Variants in RBM6 observed in about 807,000 individuals in gnomAD.
The protein encoded by RBM6 is RNA-binding protein 6.
Under a neutral mutation model 140.4 loss-of-function variants are expected in RBM6, and 23 were observed. The observed-to-expected ratio is 0.16, with a 90% CI of 0.12 to 0.23. RBM6 has a LOEUF of 0.23. Among genes scored for constraint, RBM6 ranks in the 10% least tolerant of loss-of-function variants. The probability of loss-of-function intolerance (pLI) is 1.00; values close to 1 mark genes in which losing one functional copy is unlikely to be tolerated. For synonymous variants in RBM6, 439 were observed against 475.6 expected, an observed-to-expected ratio of 0.92 and a Z score of 1.00; for missense variants, 1,139 against 1,386.7, an observed-to-expected ratio of 0.82 and a Z score of 2.84.
intron 6 of RBM6, among the ~76,000 whole-genome samples, chr3:50,032,482 CAAA>C (rs10648927): frequency 3.4e-5 from 2 of 58,354 alleles, no homozygotes; most frequent in Non-Finnish European, 3.6e-5. Flanking sequence ...GACTCCATCT[CAAA>C]AAAAAAAAAA....
intron 5 of RBM6, among the ~76,000 whole-genome samples, chr3:49,991,586 G>A (rs1266040330): frequency 6.6e-6 from 1 of 152,060 alleles, no homozygotes; most frequent in Non-Finnish European, 1.5e-5. Context: ...CAGGAACCTG[G>A]GACAGACCAA....
intron 9 of RBM6, among the ~76,000 whole-genome samples, 171 bp downstream of exon 9, chr3:50,058,174 C>A (rs931196355): frequency 6.6e-6 from 1 of 152,214 alleles, no homozygotes; most frequent in South Asian, 2.1e-4. Context: ...TTAAAGGAAT[C>A]TATGCCCTTC....
chr3:49,947,420 C>G lies in RBM6; in HGVS notation c.-67+7195C>G, dbSNP rs369477579. ...ACTCTACCCTGGGTGACAGAGTGGC[C>G]CAGTCTCTAAAAATAAAATAAAATT... On this transcript the variant is annotated intron_variant, in intron 1 of 20. Transcript: ENST00000266022. Among the ~76,000 whole-genome samples, 18 of 152,024 alleles carry G rather than the reference C, an allele frequency of 1.2e-4. No individual in the cohort carries two copies. The East Asian group carries it at 2.3e-3, about 20-fold the overall frequency.
intron 6 of RBM6, among the ~76,000 whole-genome samples, chr3:50,035,687 A>T (rs913462216): frequency 1.5e-4 from 23 of 152,266 alleles, no homozygotes; most frequent in Non-Finnish European, 2.6e-4. Context: ...GTCTCAAAAA[A>T]AAATAAATAA....
chr3:50,009,195 C>A (rs781480155), intron 6 of RBM6, among the ~76,000 whole-genome samples: 1 of 152,162 alleles, frequency 6.6e-6, no homozygotes, highest in Non-Finnish European at 1.5e-5. Context: ...AGACAGACAG[C>A]AAGAGAGTTG....
chr3:50,011,382 C>T (rs961304283), intron 6 of RBM6, among the ~76,000 whole-genome samples: 1 of 151,998 alleles, frequency 6.6e-6, no homozygotes, highest in Non-Finnish European at 1.5e-5. Flanking sequence ...GGACTTTCTG[C>T]TTTGAGTTAT....
chr3:50,066,008 A>T (rs2090109031), intron 16 of RBM6, among the ~76,000 whole-genome samples: 1 of 151,970 alleles, frequency 6.6e-6, no homozygotes, highest in Non-Finnish European at 1.5e-5. Context: ...CCTTCTCCTC[A>T]CATTCTGTTG....
chr3:49,984,616 G>A (rs62262139), intron 5 of RBM6, among the ~76,000 whole-genome samples: 891 of 18,872 alleles, frequency 0.047, 11 homozygotes, highest in Middle Eastern at 0.079. Flanking sequence ...ACATCACATC[G>A]CATCGCATCG....
intron 1 of RBM6, among the ~76,000 whole-genome samples, chr3:49,947,249 C>G: frequency 1.2e-5 from 1 of 85,972 alleles, no homozygotes. Context: ...GAGACTCCGT[C>G]TCAAAAAAAA....
At chr3:49,941,640 C>CAAAAAAAAAAAAA (rs1171636981) in intron 1 of RBM6, among the ~76,000 whole-genome samples, 2 of 58,728 alleles carry the variant, frequency 3.4e-5, no homozygotes, top group African/African-American at 1.4e-4. Context: ...AACTCTGTCT[C>CAAAAAAAAAAAAA]AAAAAAAAAA....
At chr3:49,970,080 G>A (rs562758361) in intron 3 of RBM6, among the ~76,000 whole-genome samples, 2 of 152,130 alleles carry the variant, frequency 1.3e-5, no homozygotes, top group East Asian at 1.9e-4. Flanking sequence ...AGTTGGGACT[G>A]TAGTTGTGCA....
At chr3:49,985,000 C>T (rs1199804888) in intron 5 of RBM6, among the ~76,000 whole-genome samples, 2 of 152,178 alleles carry the variant, frequency 1.3e-5, no homozygotes, top group Non-Finnish European at 2.9e-5. Context: ...GTTCCACTGC[C>T]TTGCTGAGTT....
At chr3:49,985,074 A>G (rs942232672) in intron 5 of RBM6, among the ~76,000 whole-genome samples, 2 of 152,192 alleles carry the variant, frequency 1.3e-5, no homozygotes, top group Non-Finnish European at 2.9e-5. Flanking sequence ...CTCTTTTGCC[A>G]AATGCTCAGG....
rs150914130 is a variant in RBM6 at position 49,955,067 on chromosome 3, G to A, written c.-66-7509G>A. 7.4e-3 allele frequency among the ~76,000 whole-genome samples: 1,086 copies of A among 146,940 alleles called. 15 individuals carry two copies. Among genetic ancestry groups the A allele is most frequent in the African/African-American group, 0.026 (1,035 of 39,976 alleles). ...AGCCACCGCACCCGGCCTTGCACATGTTTTTAAAACTTAATACATAATAGC... is the reference window on the plus strand; with the variant it reads ...AGCCACCGCACCCGGCCTTGCACATATTTTTAAAACTTAATACATAATAGC... On this transcript the variant is annotated intron_variant, in intron 1 of 20. Transcript: ENST00000266022.
intron 5 of RBM6, among the ~76,000 whole-genome samples, chr3:49,977,125 T>G (rs769310099): frequency 4.6e-5 from 7 of 152,176 alleles, no homozygotes; most frequent in East Asian, 1.9e-4. Context: ...ATTCCCAGCT[T>G]CTTCTTTTGT....
chr3:50,047,672 T>C (rs1223748972), intron 6 of RBM6, among the ~76,000 whole-genome samples: 1 of 152,200 alleles, frequency 6.6e-6, no homozygotes, highest in Non-Finnish European at 1.5e-5. Context: ...GCTGTAAGGA[T>C]GTAACTTGCT....
chr3:49,967,446 A>G lies in RBM6; in HGVS notation c.45-24A>G. The G allele has an allele frequency of 1.2e-6, 2 of 1,604,978 alleles. No homozygotes were observed. Among genetic ancestry groups the G allele is most frequent in the Non-Finnish European group, 1.7e-6 (2 of 1,174,722 alleles). ...ATTTCAAACTCTCTGGACAATATGA[A>G]TAACACTGTCTTTGTTTCTACAGTG... is the stretch of plus-strand genomic sequence containing the variant. On this transcript the variant is annotated intron_variant, in intron 2 of 20. Coordinates refer to ENST00000266022, the MANE Select transcript of RBM6 (RefSeq NM_005777.3). This position sits in a 1 kb window ranked among gnomAD's most constrained non-coding sequence, Gnocchi z 4.0.
intron 7 of RBM6, among the ~76,000 whole-genome samples, chr3:50,051,060 A>G (rs1209011778): frequency 6.6e-6 from 1 of 152,004 alleles, no homozygotes; most frequent in Non-Finnish European, 1.5e-5. Flanking sequence ...AGAGAGAGAG[A>G]GATAAGGTGT....
chr3:50,058,407 A>G lies in RBM6; in HGVS notation c.1975A>G (p.Met659Val), dbSNP rs2089801844. 1 of 1,609,396 alleles carries G rather than the reference A, an allele frequency of 6.2e-7. No homozygotes were observed. Among genetic ancestry groups the G allele is most frequent in the Non-Finnish European group, 8.5e-7 (1 of 1,175,682 alleles). Reference sequence around the variant, plus strand: ...CCCATTTATGGTTGATTCAGCTATCATGCTAAAGCGTATCTATCGTTCCAC... The same window carrying G: ...CCCATTTATGGTTGATTCAGCTATCGTGCTAAAGCGTATCTATCGTTCCAC... ...TRQDGESKTI[M>V]LKRIYRSTPP... The change falls in exon 10 of 21, where the codon ATG (methionine) becomes GTG (valine). Residue 659 changes from methionine to valine, a missense_variant. Met to Val is a conservative substitution (Grantham distance 21). Coordinates refer to ENST00000266022, the MANE Select transcript of RBM6 (RefSeq NM_005777.3).
Sources: allele counts gnomAD v4.1 joint callset (sites outside exome capture counted in the v4.1 genomes callset), GRCh38; gene constraint gnomAD v4.1.1; non-coding constraint Gnocchi (gnomAD v3.1); transcripts MANE v1.5; gene names NCBI Gene and HGNC (gene_info 2026-07-23, HGNC 2026-07-21).